The following PRMT9 variants were observed in gnomAD, a reference collection of about 807,000 sequenced individuals.
PRMT9 encodes the protein protein arginine methyltransferase 9.
In PRMT9, 59 loss-of-function variants were observed where a neutral mutation model predicts 83.2. The observed-to-expected ratio is 0.71, with a 90% confidence interval of 0.57 to 0.88. The LOEUF (loss-of-function observed/expected upper bound fraction) is 0.88, where lower values mean the gene tolerates loss of function less well. Ranked by LOEUF, PRMT9 falls within the 40% of genes least tolerant of loss-of-function variation. The pLI is 0.00. For synonymous variants in PRMT9, 333 were observed against 353.2 expected (o/e 0.94, Z 0.64); for missense variants, 947 against 1,021.9 (o/e 0.93, Z 1.00).
chr4:147,646,182 A>G (rs1240625449), intron 9 of PRMT9, among the ~76,000 whole-genome samples: 1 of 152,198 alleles, frequency 6.6e-6, no homozygotes, highest in Non-Finnish European at 1.5e-5. Context: ...TTTTTCCTCA[A>G]AAGGATCAAG....
intron 8 of PRMT9, among the ~76,000 whole-genome samples, chr4:147,656,771 CAAA>C (rs1023416920): frequency 1.9e-4 from 9 of 47,956 alleles, no homozygotes; most frequent in East Asian, 7.0e-4. Context: ...GACTCTGTCT[CAAA>C]AAAAAAAAAA....
At chr4:147,669,827 T>A (rs758430973) in intron 5 of PRMT9, among the ~76,000 whole-genome samples, 1 of 152,236 alleles carries the variant, frequency 6.6e-6, no homozygotes, top group Non-Finnish European at 1.5e-5. Context: ...ACCAAATCAA[T>A]GATTTGTGGG....
At chr4:147,645,866 G>A (rs1733694336) in intron 9 of PRMT9, among the ~76,000 whole-genome samples, 2 of 152,154 alleles carry the variant, frequency 1.3e-5, no homozygotes. Context: ...TCATGTTCCT[G>A]AACCAGGATA....
intron 2 of PRMT9, 122 bp from the exon 3 acceptor site, chr4:147,673,996 C>T (rs1281918765): frequency 2.6e-6 from 2 of 770,056 alleles, no homozygotes; most frequent in Non-Finnish European, 4.5e-6. Flanking sequence ...TCCTGCCAAT[C>T]CAAGTGCTAC....
At chr4:147,670,533 C>A in intron 5 of PRMT9, 108 bp downstream of exon 5, 1 of 871,086 alleles carries the variant, frequency 1.1e-6, no homozygotes, top group South Asian at 1.4e-5. Flanking sequence ...TACACCTTGG[C>A]AATGGAAAAT....
intron 1 of PRMT9, 87 bp from the exon 2 acceptor site, chr4:147,680,558 C>A: frequency 9.7e-7 from 1 of 1,031,840 alleles, no homozygotes; most frequent in South Asian, 1.4e-5. Context: ...TCCAAGCAAT[C>A]GAACTTAATC....
intron 2 of PRMT9, among the ~76,000 whole-genome samples, chr4:147,674,549 G>C (rs1033267738): frequency 2.0e-5 from 3 of 152,082 alleles, no homozygotes; most frequent in African/African-American, 7.2e-5. Context: ...CAAACTATCT[G>C]TAATGAAGAA....
intron 7 of PRMT9, among the ~76,000 whole-genome samples, chr4:147,660,119 A>C (rs1445250159): frequency 5.9e-5 from 9 of 152,228 alleles, no homozygotes; most frequent in Admixed American, 5.2e-4. Flanking sequence ...TATAGAGATA[A>C]GTCAGAAAGA....
At chr4:147,661,168 A>G (rs1734923383) in intron 6 of PRMT9, 130 bp from the exon 7 acceptor site, 5 of 681,402 alleles carry the variant, frequency 7.3e-6, no homozygotes, top group Non-Finnish European at 1.1e-5. Context: ...TTTCTTAAAC[A>G]TAACTACATA....
Position 147,641,284 on chromosome 4 carries a change from A to C in PRMT9, c.2199+1503T>G, listed in dbSNP as rs1196052874. Among the ~76,000 whole-genome samples, 4 of 152,172 alleles carry C rather than the reference A, an allele frequency of 2.6e-5. No individual in the cohort carries two copies. The East Asian group carries it at 5.8e-4, about 22-fold the overall frequency. On this transcript the variant is annotated intron_variant, in intron 10 of 11. Coordinates refer to ENST00000322396, the MANE Select transcript of PRMT9 (RefSeq NM_138364.4). ...GTCCTTACAAATGGCCAGAAGGTCA[A>C]CATCTGGCCCCTAATACTCTGACTG...
Position 147,684,070 on chromosome 4 carries a change from C to T in PRMT9, c.-83G>A. 5 of 1,413,204 alleles carry T rather than the reference C, an allele frequency of 3.5e-6. No homozygotes were observed. Among genetic ancestry groups the T allele is most frequent in the Middle Eastern group, 1.8e-4 (1 of 5,562 alleles). The allele number at this position is 1,413,204 out of a possible 1,614,324, so 87.5% of individuals were successfully genotyped here. ...TCTCTCGATGCTACACTTCCAGGGA[C>T]CAGACAACTGCTCAAAAAACAGCAC... On this transcript the variant is annotated 5_prime_UTR_variant, in exon 1 of 12. Coordinates refer to ENST00000322396, the MANE Select transcript of PRMT9 (RefSeq NM_138364.4).
At chr4:147,647,188 C>T (rs931651952) in intron 9 of PRMT9, among the ~76,000 whole-genome samples, 15 of 152,106 alleles carry the variant, frequency 9.9e-5, no homozygotes, top group African/African-American at 3.6e-4. Flanking sequence ...CTATAATGCC[C>T]TACTGCTCAG....
intron 2 of PRMT9, among the ~76,000 whole-genome samples, chr4:147,677,825 GGAGA>G (rs904890129): frequency 1.1e-4 from 16 of 152,036 alleles, no homozygotes; most frequent in Admixed American, 3.9e-4. Flanking sequence ...TTTTTTCTGA[GGAGA>G]GACATACGAT....
Position 147,683,733 on chromosome 4 carries a change from C to CTA in PRMT9, c.189+65_189+66insTA, listed in dbSNP as rs1232857039. On this transcript the variant is annotated intron_variant, in intron 1 of 11. Transcript: ENST00000322396. The stretch of plus-strand genomic sequence containing the variant: ...CTAGCCCCTCCGCTTTTTTTTTTTT[C>CTA]TGTTTTTTTTTTTTTTTTTACGAGG... The CTA allele has an allele frequency of 2.9e-3, 1,436 of 487,574 alleles. 60 individuals carry two copies. The highest frequency in any genetic ancestry group is 5.1e-3 in the African/African-American group (181 of 35,610). 30.2% of individuals were successfully genotyped at this position (487,574 alleles called of 1,614,324 possible).
At chr4:147,677,628 A>AT (rs892339063) in intron 2 of PRMT9, among the ~76,000 whole-genome samples, 7 of 150,972 alleles carry the variant, frequency 4.6e-5, no homozygotes, top group African/African-American at 1.5e-4. Context: ...TACTTTTTGC[A>AT]TTTTTTTTAG....
chr4:147,639,448 C>A (rs1344535492), intron 10 of PRMT9, among the ~76,000 whole-genome samples: 1 of 152,180 alleles, frequency 6.6e-6, no homozygotes, highest in Non-Finnish European at 1.5e-5. Flanking sequence ...AATAATGGTA[C>A]AACACTAATT....
intron 7 of PRMT9, among the ~76,000 whole-genome samples, chr4:147,658,710 C>T (rs1734711641): frequency 6.6e-6 from 1 of 152,176 alleles, no homozygotes; most frequent in African/African-American, 2.4e-5. Flanking sequence ...AAAGCTCAGC[C>T]TCAGTAAGCA....
chr4:147,670,582 T>C, intron 5 of PRMT9, 59 bp downstream of exon 5: 1 of 1,081,288 alleles, frequency 9.2e-7, no homozygotes, highest in Non-Finnish European at 1.4e-6. Context: ...AAGGATTCAA[T>C]AAATCTCTGA....
chr4:147,656,729 G>A (rs1366273608), intron 8 of PRMT9, among the ~76,000 whole-genome samples: 25 of 122,516 alleles, frequency 2.0e-4, no homozygotes, highest in Non-Finnish European at 8.0e-5. Flanking sequence ...CTGAGATTGC[G>A]CCACTGCACT....
Sources: gnomAD v4.1 joint callset for allele counts (sites outside exome capture counted in the v4.1 genomes callset) on GRCh38, gnomAD v4.1.1 for gene constraint, MANE v1.5 for transcripts, NCBI Gene and HGNC (gene_info 2026-07-23, HGNC 2026-07-21) for gene names.